CNTNAP2: variants seen among roughly 807,000 people sequenced by gnomAD.
CNTNAP2 encodes the protein contactin-associated protein-like 2.
In CNTNAP2, 98 loss-of-function variants were observed where a neutral mutation model predicts 155.2. That is an observed-to-expected ratio of 0.63 (90% confidence interval 0.54 to 0.75). CNTNAP2 has a LOEUF of 0.75. CNTNAP2 is among the 30% of genes least tolerant of loss of function. CNTNAP2 has a pLI of 0.00. For synonymous variants in CNTNAP2, 651 were observed against 631.2 expected (o/e 1.03, Z -0.47); for missense variants, 1,727 against 1,688.1 (o/e 1.02, Z -0.40).
At chr7:148,154,766 G>C (rs1445211901) in intron 17 of CNTNAP2, among the ~76,000 whole-genome samples, 2 of 152,088 alleles carry the variant, frequency 1.3e-5, no homozygotes, top group Non-Finnish European at 2.9e-5. Context: ...GTGAATTTCT[G>C]TCTTTACTAA....
intron 3 of CNTNAP2, among the ~76,000 whole-genome samples, chr7:146,964,602 T>C (rs936884913): frequency 5.3e-5 from 8 of 152,206 alleles, no homozygotes; most frequent in African/African-American, 1.7e-4. Flanking sequence ...AGAGGAACAA[T>C]TTATGTAGAA....
At position 147,338,561 on chromosome 7, in the gene CNTNAP2, T is replaced by C. The variant is rs150265966; in HGVS notation, c.1498+38271T>C. Among the ~76,000 whole-genome samples the C allele has an allele frequency of 1.2e-3, 186 of 152,214 alleles. 3 individuals carry two copies. Among genetic ancestry groups the C allele is most frequent in the African/African-American group, 3.9e-3 (164 of 41,536 alleles). On this transcript the variant is annotated intron_variant, in intron 9 of 23. Coordinates refer to ENST00000361727, the MANE Select transcript of CNTNAP2 (RefSeq NM_014141.6). ...CACAGAACTGTTAGAATTTAAGTAG[T>C]ATATTATTAAAGCCTATTAGATCAC...
intron 1 of CNTNAP2, among the ~76,000 whole-genome samples, chr7:146,425,288 A>C (rs1042516117): frequency 6.6e-6 from 1 of 152,196 alleles, no homozygotes. Context: ...TGATGAGTAT[A>C]AAACCCATTT....
chr7:147,471,854 C>A (rs10952681), intron 10 of CNTNAP2, among the ~76,000 whole-genome samples: 118,621 of 152,180 alleles, frequency 0.78, 46,593 homozygotes, highest in African/African-American at 0.87. Context: ...TTAAAGAGAA[C>A]AACAAATGGT....
chr7:147,639,115 T>A lies in CNTNAP2; in HGVS notation c.1907T>A (p.Val636Glu), dbSNP rs758867059. 1 of 1,614,084 alleles carries A rather than the reference T, an allele frequency of 6.2e-7. No homozygotes were observed. Among genetic ancestry groups the A allele is most frequent in the Non-Finnish European group, 8.5e-7 (1 of 1,179,986 alleles). The change falls in exon 13 of 24, where the codon GTG (valine) becomes GAG (glutamate). Residue 636 changes from valine (V) to glutamate (E), a missense_variant. By Grantham distance (121) the Val-to-Glu change is moderately radical. Transcript: ENST00000361727. The part of the protein sequence containing the change: ...KVYCNMTEDK[V>E]WTIVSHDLQM... The stretch of plus-strand genomic sequence containing the variant: ...GTTTTTCTCCCCACAGAGGACAAAG[T>A]GTGGACCATAGTGTCTCATGACTTG...
intron 9 of CNTNAP2, among the ~76,000 whole-genome samples, chr7:147,329,928 T>G (rs1795526980): frequency 6.6e-6 from 1 of 152,170 alleles, no homozygotes; most frequent in African/African-American, 2.4e-5. Context: ...TAATCAGTGA[T>G]TCTTCTGGCA....
Position 146,720,951 on chromosome 7 carries a change from T to TCTATATATATACAGTATATATATAGA in CNTNAP2, c.98-53310_98-53285dup, listed in dbSNP as rs1563202756. ...CTATATATATACTTTCTCTATATAT[T>TCTATATATATACAGTATATATATAGA]CTATATATATACAGTATATATATAG... On this transcript the variant is annotated intron_variant, in intron 1 of 23. Coordinates refer to ENST00000361727, the MANE Select transcript of CNTNAP2 (RefSeq NM_014141.6). Among the ~76,000 whole-genome samples the TCTATATATATACAGTATATATATAGA allele has an allele frequency of 7.6e-5, 10 of 130,874 alleles. No homozygotes were observed. The East Asian group carries it at 1.9e-3, about 25-fold the overall frequency. The allele number at this position is 130,874 out of a possible 152,430, so 85.9% of individuals were successfully genotyped here.
At chr7:147,965,487 T>C (rs7793325) in intron 14 of CNTNAP2, among the ~76,000 whole-genome samples, 122,129 of 151,590 alleles carry the variant, frequency 0.81, 50,365 homozygotes, top group South Asian at 0.92. Context: ...CTTCATGACA[T>C]TACTAGATCC....
intron 4 of CNTNAP2, among the ~76,000 whole-genome samples, chr7:147,095,186 ATTTTTTT>A (rs36113270): frequency 2.6e-5 from 3 of 114,520 alleles, no homozygotes; most frequent in African/African-American, 6.4e-5. Flanking sequence ...CGCCTGGCTA[ATTTTTTT>A]TTTTTTTTTT....
chr7:148,016,360 C>T (rs1434962349), intron 15 of CNTNAP2, among the ~76,000 whole-genome samples: 2 of 152,202 alleles, frequency 1.3e-5, no homozygotes, highest in Admixed American at 1.3e-4. Flanking sequence ...TTGATATGGC[C>T]TTCCCACATG....
intron 13 of CNTNAP2, among the ~76,000 whole-genome samples, chr7:147,755,388 CT>C (rs1473093277): frequency 2.0e-5 from 3 of 152,248 alleles, no homozygotes; most frequent in Non-Finnish European, 4.4e-5. Context: ...GGCGCAGTGG[CT>C]CATGCCTGTA....
At chr7:148,363,426 G>C (rs943877670) in intron 21 of CNTNAP2, among the ~76,000 whole-genome samples, 4 of 151,110 alleles carry the variant, frequency 2.6e-5, no homozygotes, top group Admixed American at 2.6e-4. Context: ...CAATATACAA[G>C]ACAGTAATAT....
At chr7:148,096,834 T>G (rs1258739748) in intron 15 of CNTNAP2, among the ~76,000 whole-genome samples, 1 of 152,172 alleles carries the variant, frequency 6.6e-6, no homozygotes, top group Non-Finnish European at 1.5e-5. Context: ...GCTTCCCTAC[T>G]GGGAAAGATC....
At chr7:146,775,627 C>A (rs1048706027) in intron 2 of CNTNAP2, among the ~76,000 whole-genome samples, 6 of 140,228 alleles carry the variant, frequency 4.3e-5, no homozygotes, top group African/African-American at 7.9e-5. Flanking sequence ...AGGAAGGAAA[C>A]AAAGATGAAA....
intron 3 of CNTNAP2, among the ~76,000 whole-genome samples, chr7:146,889,379 A>G (rs1192825982): frequency 6.6e-6 from 1 of 152,124 alleles, no homozygotes; most frequent in African/African-American, 2.4e-5. Context: ...CCAAGTGTAA[A>G]TTTAAACTCT....
chr7:146,578,543 G>A (rs10487930), intron 1 of CNTNAP2, among the ~76,000 whole-genome samples: 126,139 of 152,118 alleles, frequency 0.83, 52,936 homozygotes, highest in African/African-American at 0.9. Flanking sequence ...AAGGGATTCC[G>A]TAAGAGGTTA....
chr7:146,590,370 T>C lies in CNTNAP2; in HGVS notation c.98-183901T>C, dbSNP rs190290034. ...CATCAGTGAGAATTTTTTTGATGAA[T>C]GTTTATCTCCCGAAGTAGACTGCAA... On this transcript the variant is annotated intron_variant, in intron 1 of 23. Coordinates refer to ENST00000361727, the MANE Select transcript of CNTNAP2 (RefSeq NM_014141.6). 2.2e-3 allele frequency among the ~76,000 whole-genome samples: 332 copies of C among 152,306 alleles called. 1 individual carries two copies. The highest frequency in any genetic ancestry group is 7.6e-3 in the African/African-American group (318 of 41,574).
intron 13 of CNTNAP2, among the ~76,000 whole-genome samples, chr7:147,705,661 C>T (rs960990793): frequency 1.3e-5 from 2 of 152,056 alleles, no homozygotes; most frequent in Non-Finnish European, 2.9e-5. Context: ...TTGAAGTTCC[C>T]AACTATTATC....
At chr7:146,947,603 A>G (rs950793191) in intron 3 of CNTNAP2, among the ~76,000 whole-genome samples, 8 of 142,660 alleles carry the variant, frequency 5.6e-5, no homozygotes, top group Non-Finnish European at 1.2e-4. Flanking sequence ...ATATATGTAT[A>G]TATCTTTCAA....
Sources: gnomAD v4.1 joint callset for allele counts (sites outside exome capture counted in the v4.1 genomes callset) on GRCh38, gnomAD v4.1.1 for gene constraint, MANE v1.5 for transcripts, NCBI Gene and HGNC (gene_info 2026-07-23, HGNC 2026-07-21) for gene names.